ZNF608: variants seen among roughly 807,000 people sequenced by gnomAD.
ZNF608 encodes zinc finger protein 608.
Under a neutral mutation model 109.0 loss-of-function variants are expected in ZNF608, and 12 were observed. The observed-to-expected ratio is 0.11, with a 90% confidence interval of 0.07 to 0.18. The LOEUF (loss-of-function observed/expected upper bound fraction) is 0.18. Ranked by LOEUF, ZNF608 falls within the 10% of genes least tolerant of loss-of-function variation. The pLI is 1.00. For synonymous variants in ZNF608, 732 were observed against 717.4 expected, an observed-to-expected ratio of 1.02 and a Z score of -0.33; for missense variants, 1,707 against 1,879.3, an observed-to-expected ratio of 0.91 and a Z score of 1.70.
chr5:124,677,705 A>G (rs1432645741), intron 3 of ZNF608, among the ~76,000 whole-genome samples: 2 of 152,102 alleles, frequency 1.3e-5, no homozygotes, highest in East Asian at 3.9e-4. Flanking sequence ...ACTAATTCTC[A>G]ATAGGGCTCC....
chr5:124,705,562 C>T (rs1753226613), intron 2 of ZNF608, among the ~76,000 whole-genome samples: 1 of 152,184 alleles, frequency 6.6e-6, no homozygotes, highest in South Asian at 2.1e-4. Context: ...TGCACCCAAC[C>T]TTCCAAAGCT....
chr5:124,697,497 T>C (rs1035296478), intron 3 of ZNF608, among the ~76,000 whole-genome samples: 1 of 152,176 alleles, frequency 6.6e-6, no homozygotes, highest in African/African-American at 2.4e-5. Flanking sequence ...CATACATCAT[T>C]GGTCCTATGC....
chr5:124,718,093 T>G (rs932533939), intron 2 of ZNF608, among the ~76,000 whole-genome samples: 5 of 152,184 alleles, frequency 3.3e-5, no homozygotes, highest in African/African-American at 1.2e-4. Context: ...TCCTTGCTGG[T>G]GGCCTCTTCT....
intron 1 of ZNF608, chr5:124,745,981 T>C (rs1012991352): frequency 1.4e-5 from 3 of 210,594 alleles, no homozygotes; most frequent in Non-Finnish European, 2.5e-5. Context: ...CTCTCTTAAA[T>C]ACGGTGCTAC....
intron 2 of ZNF608, among the ~76,000 whole-genome samples, chr5:124,738,419 T>TTGCTGGCAAGTTCAGAG (rs1749241034): frequency 6.6e-6 from 1 of 152,210 alleles, no homozygotes; most frequent in Non-Finnish European, 1.5e-5. Context: ...GATGTTCAGA[T>TTGCTGGCAAGTTCAGAG]TGCTGGCAAG....
Position 124,649,128 on chromosome 5 carries a change from C to A in ZNF608, c.1256G>T (p.Cys419Phe). The A allele has an allele frequency of 1.3e-6, 2 of 1,555,706 alleles. No individual in the cohort carries two copies. Among genetic ancestry groups the A allele is most frequent in the Non-Finnish European group, 8.6e-7 (1 of 1,156,846 alleles). ...TKHDWAPPRFCESPTSDLEMR... is the reference protein window; with the variant it reads ...TKHDWAPPRFFESPTSDLEMR... ...CTCCAGGTCACTTGTCGGTGACTCA[C>A]AAAACCTATGGAAGCAAGTAACAGA... is the stretch of plus-strand genomic sequence containing the variant. Residue 419 changes from cysteine (C) to phenylalanine (F), a missense_variant, in exon 5 of 10, where the codon TGT (cysteine) becomes TTT (phenylalanine). Physicochemically the swap from Cys to Phe is radical, Grantham distance 205. Transcript: ENST00000513986.
intron 2 of ZNF608, among the ~76,000 whole-genome samples, chr5:124,740,996 T>C (rs988648305): frequency 6.6e-6 from 1 of 152,198 alleles, no homozygotes; most frequent in Non-Finnish European, 1.5e-5. Flanking sequence ...ACAAGGCTAT[T>C]ATGCTTCACA....
At chr5:124,695,077 G>T (rs1752794250) in intron 3 of ZNF608, among the ~76,000 whole-genome samples, 1 of 152,082 alleles carries the variant, frequency 6.6e-6, no homozygotes, top group South Asian at 2.1e-4. Flanking sequence ...CACATTGGGG[G>T]CTGATTTATC....
At chr5:124,713,411 A>C (rs4836113) in intron 2 of ZNF608, among the ~76,000 whole-genome samples, 3 of 152,242 alleles carry the variant, frequency 2.0e-5, no homozygotes, top group Non-Finnish European at 4.4e-5. Context: ...AATGTTTTCT[A>C]CAGATGAATT....
Position 124,644,106 on chromosome 5 carries a change from T to C in ZNF608, c.4123+138A>G, listed in dbSNP as rs566121158. The C allele has an allele frequency of 1.4e-5, 11 of 787,178 alleles. No homozygotes were observed. The East Asian group carries it at 2.2e-4, about 16-fold the overall frequency. The allele number at this position is 787,178 out of a possible 1,614,324, so 48.8% of individuals were successfully genotyped here. ...AAAAACTTATATTAAATCAGTTTTA[T>C]CTTTGGGACTTTAAACAGCATAAAA... On this transcript the variant is annotated intron_variant, in intron 6 of 9. Transcript: ENST00000513986.
intron 3 of ZNF608, among the ~76,000 whole-genome samples, chr5:124,698,177 A>C (rs555755852): frequency 6.6e-6 from 1 of 152,298 alleles, no homozygotes; most frequent in Admixed American, 6.5e-5. Flanking sequence ...ACTGGCTCCC[A>C]ATGTGTTTGT....
chr5:124,643,797 C>T (rs1180003106), intron 6 of ZNF608, 114 bp from the exon 7 acceptor site: 3 of 1,012,790 alleles, frequency 3.0e-6, no homozygotes, highest in East Asian at 5.2e-5. Flanking sequence ...TAGGGGGTTA[C>T]ATTAAGAATG....
At position 124,728,926 on chromosome 5, in the gene ZNF608, A is replaced by G. The variant is rs187439452; in HGVS notation, c.906+15158T>C. ...TCTTTCTCTTCTTATAATTCCAAGT[A>G]ACATAAATAAAATTCACTATAGAAC... On this transcript the variant is annotated intron_variant, in intron 2 of 9. Coordinates refer to ENST00000513986, the MANE Select transcript of ZNF608 (RefSeq NM_020747.3). 3.9e-4 allele frequency among the ~76,000 whole-genome samples: 59 copies of G among 152,316 alleles called. No homozygotes were observed. The East Asian group carries it at 9.5e-3, about 24-fold the overall frequency.
At chr5:124,655,231 G>T (rs528012109) in intron 3 of ZNF608, among the ~76,000 whole-genome samples, 1 of 152,294 alleles carries the variant, frequency 6.6e-6, no homozygotes, top group East Asian at 1.9e-4. Context: ...TATAAATGTG[G>T]TTTATGAATT....
intron 3 of ZNF608, among the ~76,000 whole-genome samples, chr5:124,664,632 C>T (rs1751402048): frequency 6.6e-6 from 1 of 152,138 alleles, no homozygotes; most frequent in Non-Finnish European, 1.5e-5. Context: ...AGCAAAGTAA[C>T]TCTTGGAAAG....
Position 124,647,189 on chromosome 5 carries a change from C to T in ZNF608, c.3195G>A (p.Ser1065=), listed in dbSNP as rs749726233. 1.9e-5 allele frequency: 31 copies of T among 1,614,068 alleles called. No homozygotes were observed. In the Admixed American group the frequency reaches 4.7e-4, roughly 24 times the overall value. The change falls in exon 5 of 10, where the codon TCG becomes TCA. Residue 1065 remains serine, a synonymous_variant. Transcript: ENST00000513986. ...GGGCAGGATGTCTTTGTGTGATCAC[C>T]GACTGGTGCTGAGGCTGTAAGGATG... ...NSASLQPQHQ[S]VITQRHPALA... is the part of the protein sequence containing the mutation.
intron 2 of ZNF608, among the ~76,000 whole-genome samples, chr5:124,739,498 T>C (rs766173972): frequency 1.3e-5 from 2 of 152,210 alleles, no homozygotes; most frequent in Admixed American, 6.5e-5. Context: ...AGGGGGAAAA[T>C]TGACAGAATA....
Position 124,649,054 on chromosome 5 carries a change from C to A in ZNF608, c.1330G>T (p.Ala444Ser). ...GTGAAGCTGGCCTCGGAGCCCGGGG[C>A]AGCAGCAGCAGACCTCGCTCTCTTC... ...RGKRARSAAAAPGSEASFTES... is the reference protein window; with the variant it reads ...RGKRARSAAASPGSEASFTES... The change falls in exon 5 of 10, where the codon GCC becomes TCC. Residue 444 changes from alanine to serine, a missense_variant. Transcript: ENST00000513986. 1 of 1,612,768 alleles carries A rather than the reference C, an allele frequency of 6.2e-7. No homozygotes were observed. The highest frequency in any genetic ancestry group is 8.5e-7 in the Non-Finnish European group (1 of 1,179,158).
At chr5:124,681,227 C>A (rs1752183720) in intron 3 of ZNF608, among the ~76,000 whole-genome samples, 1 of 152,062 alleles carries the variant, frequency 6.6e-6, no homozygotes, top group Non-Finnish European at 1.5e-5. Flanking sequence ...CCAAGGCGGG[C>A]ACATCACTTG....
Sources: gnomAD v4.1 joint callset for allele counts (sites outside exome capture counted in the v4.1 genomes callset) on GRCh38, gnomAD v4.1.1 for gene constraint, MANE v1.5 for transcripts, NCBI Gene and HGNC (gene_info 2026-07-23, HGNC 2026-07-21) for gene names.